The following TDRD3 variants were observed in gnomAD, a reference collection of about 807,000 sequenced individuals.
TDRD3 encodes tudor domain-containing protein 3.
In TDRD3, 45 loss-of-function variants were observed where a neutral mutation model predicts 86.7. The observed-to-expected ratio is 0.52, with a 90% CI of 0.41 to 0.67. The LOEUF is 0.67. Among genes scored for constraint, TDRD3 ranks in the 30% least tolerant of loss-of-function variants. The pLI is 0.00. For synonymous variants in TDRD3, 298 were observed against 301.7 expected (o/e 0.99, Z 0.13); for missense variants, 814 against 889.0 (o/e 0.92, Z 1.07).
At chr13:60,502,753 G>A (rs1255875848) in intron 8 of TDRD3, among the ~76,000 whole-genome samples, 2 of 152,064 alleles carry the variant, frequency 1.3e-5, no homozygotes, top group East Asian at 3.9e-4. Context: ...TATATATATA[G>A]GTATGAGGCC....
rs113949368 is a variant in TDRD3, at chr13:60,517,601, C to T, written c.1141+6846C>T. ...CACAGCCTATCACTTTCTTTCTATT[C>T]CTAGCCATCTCTATGGGCTTCCCAG... On this transcript the variant is annotated intron_variant, in intron 10 of 13. Coordinates refer to ENST00000377881, the MANE Select transcript of TDRD3 (RefSeq NM_001146070.2). Among the ~76,000 whole-genome samples, 516 of 152,308 alleles carry T rather than the reference C, an allele frequency of 3.4e-3. 4 individuals carry two copies. The highest frequency in any genetic ancestry group is 0.012 in the African/African-American group (492 of 41,568).
At chr13:60,509,736 G>A (rs1156528277) in intron 8 of TDRD3, 27 bp from the exon 9 acceptor site, 1 of 1,612,898 alleles carries the variant, frequency 6.2e-7, no homozygotes, top group East Asian at 2.2e-5. Flanking sequence ...TGGGCTATCA[G>A]CCAGCTTTTC....
At chr13:60,454,382 A>C (rs537998778) in intron 3 of TDRD3, among the ~76,000 whole-genome samples, 1 of 152,200 alleles carries the variant, frequency 6.6e-6, no homozygotes, top group South Asian at 2.1e-4. Context: ...AGGGGCTTAA[A>C]ATTTTTTTTA....
In TDRD3 at chr13:60,493,426, G is replaced by T. The variant is rs9598137; in HGVS notation, c.718-1009G>T. On this transcript the variant is annotated intron_variant, in intron 7 of 13. Coordinates refer to ENST00000377881, the MANE Select transcript of TDRD3 (RefSeq NM_001146070.2). The stretch of plus-strand genomic sequence containing the variant: ...CCTGTAACTTCAGCACTTTGGGAGG[G>T]CAAGGTGGATAGATCATCTCAGGTC... Among the ~76,000 whole-genome samples the T allele has an allele frequency of 9.9e-3, 1,500 of 152,062 alleles. 16 individuals are homozygous for T. The highest frequency in any genetic ancestry group is 0.016 in the Non-Finnish European group (1,098 of 67,978).
At chr13:60,421,370 C>G (rs1289529238) in intron 1 of TDRD3, among the ~76,000 whole-genome samples, 1 of 152,100 alleles carries the variant, frequency 6.6e-6, no homozygotes, top group Non-Finnish European at 1.5e-5. Context: ...CTTACTATCA[C>G]GAGAATAGCA....
At chr13:60,491,759 G>A (rs910082740) in intron 7 of TDRD3, among the ~76,000 whole-genome samples, 13 of 151,758 alleles carry the variant, frequency 8.6e-5, no homozygotes, top group African/African-American at 3.1e-4. Context: ...GGTTGATGTG[G>A]TCAAAATCTA....
chr13:60,410,666 C>T (rs1023473026), intron 1 of TDRD3, among the ~76,000 whole-genome samples: 2 of 152,154 alleles, frequency 1.3e-5, no homozygotes, highest in African/African-American at 2.4e-5. Context: ...TTCTCAGGAT[C>T]GTTTTGATTT....
chr13:60,543,938 C>A (rs984173162), intron 12 of TDRD3, among the ~76,000 whole-genome samples: 1 of 150,864 alleles, frequency 6.6e-6, no homozygotes, highest in African/African-American at 2.4e-5. Context: ...TATGAAGACT[C>A]CCATTATCGT....
At chr13:60,544,912 G>A (rs941645643) in intron 12 of TDRD3, among the ~76,000 whole-genome samples, 5 of 151,948 alleles carry the variant, frequency 3.3e-5, no homozygotes, top group African/African-American at 1.2e-4. Flanking sequence ...ATATGAACTG[G>A]GTTGTTAGCT....
At chr13:60,408,044 T>A (rs1954275188) in intron 1 of TDRD3, among the ~76,000 whole-genome samples, 1 of 152,164 alleles carries the variant, frequency 6.6e-6, no homozygotes, top group East Asian at 1.9e-4. Context: ...AAGAAGTGCC[T>A]TTCACGTCCC....
chr13:60,402,063 AT>A (rs954214910), intron 1 of TDRD3, among the ~76,000 whole-genome samples: 1 of 152,220 alleles, frequency 6.6e-6, no homozygotes, highest in Admixed American at 6.5e-5. Context: ...CAACTTCAGG[AT>A]ATTTTGCTGG....
At chr13:60,549,144 G>A (rs1957993006) in intron 12 of TDRD3, among the ~76,000 whole-genome samples, 1 of 152,162 alleles carries the variant, frequency 6.6e-6, no homozygotes, top group Non-Finnish European at 1.5e-5. Flanking sequence ...TGGTTTTAGA[G>A]TCAAGTCTCT....
chr13:60,400,812 A>G lies in TDRD3; in HGVS notation c.41+3407A>G, dbSNP rs557343630. ...ACTCTCTCTCTGTGCATATGAAGAA[A>G]CTGAAGCACAGAGAGTTTCAATAAT... is the stretch of plus-strand genomic sequence containing the variant. On this transcript the variant is annotated intron_variant, in intron 1 of 13. Transcript: ENST00000377881. Among the ~76,000 whole-genome samples, 47 of 152,276 alleles carry G rather than the reference A, an allele frequency of 3.1e-4. 1 individual carries two copies. In the South Asian group the frequency reaches 9.5e-3, roughly 31 times the overall value.
chr13:60,536,892 A>T (rs1053606677), intron 12 of TDRD3: 2 of 151,552 alleles, frequency 1.3e-5, no homozygotes, highest in East Asian at 3.9e-4. Flanking sequence ...GACTTTTCCT[A>T]TTTCTCCCTT....
rs1162407489 is a variant in TDRD3 at position 60,397,318 on chromosome 13, A to G, written c.-47A>G. The G allele has an allele frequency of 6.3e-6, 6 of 959,714 alleles. No individual in the cohort carries two copies. The highest frequency in any genetic ancestry group is 1.9e-5 in the South Asian group (1 of 52,890). The allele number at this position is 959,714 out of a possible 1,614,324, so 59.4% of individuals were successfully genotyped here. On this transcript the variant is annotated 5_prime_UTR_variant, in exon 1 of 14. Transcript: ENST00000377881. The stretch of plus-strand genomic sequence containing the variant: ...GGGGTCTCAAGTAGGAGGCCTCCCC[A>G]TCACCCCCACCCCAGCCCCCCACCA...
intron 10 of TDRD3, among the ~76,000 whole-genome samples, chr13:60,527,301 C>G (rs1957463996): frequency 6.6e-6 from 1 of 152,130 alleles, no homozygotes; most frequent in African/African-American, 2.4e-5. Flanking sequence ...CCTGGGGATG[C>G]TGGGGGAGGG....
At chr13:60,496,287 C>CTA (rs1956711014) in intron 8 of TDRD3, among the ~76,000 whole-genome samples, 2 of 57,496 alleles carry the variant, frequency 3.5e-5, no homozygotes, top group Admixed American at 2.9e-4. Context: ...TAACAAACTC[C>CTA]CATATATATA....
chr13:60,546,964 T>G (rs9528157), intron 12 of TDRD3, among the ~76,000 whole-genome samples: 22,304 of 152,110 alleles, frequency 0.15, 1,673 homozygotes, highest in East Asian at 0.2. Context: ...ATGAGTGTGT[T>G]TTATAAACTT....
intron 8 of TDRD3, among the ~76,000 whole-genome samples, chr13:60,502,374 A>C (rs568349638): frequency 2.0e-3 from 302 of 152,346 alleles, no homozygotes; most frequent in Non-Finnish European, 3.2e-3. Context: ...TTTAATGACA[A>C]ATGTATAAGC....
Sources: allele counts gnomAD v4.1 joint callset (sites outside exome capture counted in the v4.1 genomes callset), GRCh38; gene constraint gnomAD v4.1.1; transcripts MANE v1.5; gene names NCBI Gene and HGNC (gene_info 2026-07-23, HGNC 2026-07-21).